The following CADM2 variants were observed in gnomAD, a reference collection of about 807,000 sequenced individuals.
CADM2 encodes immunoglobulin superfamily member 4D.
Under a neutral mutation model 49.8 loss-of-function variants are expected in CADM2, and 12 were observed. That is an observed-to-expected ratio of 0.24 (90% CI 0.15 to 0.39). The LOEUF (loss-of-function observed/expected upper bound fraction) is 0.39. Ranked by LOEUF, CADM2 falls within the 10% of genes least tolerant of loss-of-function variation. The pLI is 1.00. For missense variants in CADM2, 378 were observed against 492.3 expected (o/e 0.77, Z 2.20); for synonymous variants, 214 against 175.4 (o/e 1.22, Z -1.74).
At chr3:85,910,256 G>C (rs75180577) in intron 5 of CADM2, among the ~76,000 whole-genome samples, 1 of 152,134 alleles carries the variant, frequency 6.6e-6, no homozygotes, top group Non-Finnish European at 1.5e-5. Context: ...TATAAAAATT[G>C]TTTGTCAAGA....
rs552352969 is a variant in CADM2 at position 86,035,726 on chromosome 3, C to T, written c.971-29879C>T. On this transcript the variant is annotated intron_variant, in intron 8 of 9. Transcript: ENST00000383699. ...TCCCAAAATATTTTCTGATTTCTTC[C>T]ATTCCCAAATGTCTAAGTCAACCCA... is the stretch of plus-strand genomic sequence containing the variant. Among the ~76,000 whole-genome samples the T allele has an allele frequency of 1.6e-4, 25 of 152,112 alleles. No individual in the cohort carries two copies. The South Asian group carries it at 5.2e-3, about 31-fold the overall frequency.
At chr3:85,721,452 C>T (rs778888964) in intron 1 of CADM2, among the ~76,000 whole-genome samples, 5 of 152,116 alleles carry the variant, frequency 3.3e-5, no homozygotes, top group East Asian at 1.9e-4. Flanking sequence ...GCACTCGGCT[C>T]ACACTACTGG....
intron 2 of CADM2, among the ~76,000 whole-genome samples, chr3:85,789,443 C>T: frequency 6.6e-6 from 1 of 152,222 alleles, no homozygotes; most frequent in South Asian, 2.1e-4. Flanking sequence ...TTTAAAATCA[C>T]AGAAATCATT....
rs181099285 is a variant in CADM2 at position 85,386,901 on chromosome 3, T to A, written c.62-339621T>A. On this transcript the variant is annotated intron_variant, in intron 1 of 9. Coordinates refer to ENST00000383699, the MANE Select transcript of CADM2 (RefSeq NM_001167675.2). Reference sequence around the variant, plus strand: ...AGGCAGGCATTTCTCATATGTGGAATATTCTCATAGGTGGAATAAAAATCA... The same window carrying A: ...AGGCAGGCATTTCTCATATGTGGAAAATTCTCATAGGTGGAATAAAAATCA... Among the ~76,000 whole-genome samples the A allele has an allele frequency of 2.4e-3, 365 of 152,288 alleles. 3 individuals carry two copies. The highest frequency in any genetic ancestry group is 8.4e-3 in the African/African-American group (350 of 41,548).
intron 1 of CADM2, among the ~76,000 whole-genome samples, chr3:85,527,841 A>T (rs950391411): frequency 6.6e-6 from 1 of 152,350 alleles, no homozygotes; most frequent in East Asian, 1.9e-4. Flanking sequence ...ACTCTGAATC[A>T]TTATAACGAG....
intron 8 of CADM2, chr3:86,012,756 G>A (rs1349019675): frequency 1.5e-5 from 10 of 688,774 alleles, no homozygotes; most frequent in Non-Finnish European, 2.5e-5. Flanking sequence ...TTGGGAGGCC[G>A]AGGAGGTCAG....
chr3:85,543,420 A>ATGTGTGTGTGTGTGTG lies in CADM2; in HGVS notation c.62-183080_62-183065dup, dbSNP rs34654299. On this transcript the variant is annotated intron_variant, in intron 1 of 9. Coordinates refer to ENST00000383699, the MANE Select transcript of CADM2 (RefSeq NM_001167675.2). The stretch of plus-strand genomic sequence containing the variant: ...CAGGCACCGCCACCATGCCAAGCTA[A>ATGTGTGTGTGTGTGTG]TGTGTGTGTGTGTGTGTGTGTGTGT... Among the ~76,000 whole-genome samples, 20 of 129,638 alleles carry ATGTGTGTGTGTGTGTG rather than the reference A, an allele frequency of 1.5e-4. 1 individual carries two copies. In the East Asian group the frequency reaches 3.2e-3, roughly 21 times the overall value. The allele number at this position is 129,638 out of a possible 152,430, so 85.0% of individuals were successfully genotyped here. A position where few individuals can be genotyped will look rare whatever the true frequency, so the allele number is the denominator to read the frequency against.
chr3:85,685,335 A>G (rs2066169701), intron 1 of CADM2, among the ~76,000 whole-genome samples: 1 of 152,164 alleles, frequency 6.6e-6, no homozygotes, highest in Non-Finnish European at 1.5e-5. Context: ...TCTAGGATGT[A>G]AAAGCTGTAA....
At chr3:86,033,976 G>A (rs1559814171) in intron 8 of CADM2, among the ~76,000 whole-genome samples, 1 of 151,370 alleles carries the variant, frequency 6.6e-6, no homozygotes, top group Non-Finnish European at 1.5e-5. Flanking sequence ...GGCAACTCTA[G>A]CACCCACTCT....
intron 1 of CADM2, among the ~76,000 whole-genome samples, chr3:85,612,120 T>G (rs911546487): frequency 6.6e-5 from 10 of 151,888 alleles, no homozygotes; most frequent in African/African-American, 2.2e-4. Context: ...TTCAAGAAAC[T>G]AATAACAGTG....
chr3:85,944,554 G>T (rs182119686), intron 7 of CADM2, among the ~76,000 whole-genome samples: 2 of 152,066 alleles, frequency 1.3e-5, no homozygotes, highest in Admixed American at 1.3e-4. Context: ...TAAAATAATA[G>T]AAATTATAAC....
intron 1 of CADM2, among the ~76,000 whole-genome samples, chr3:85,106,494 G>A (rs921818417): frequency 6.6e-6 from 1 of 152,052 alleles, no homozygotes; most frequent in African/African-American, 2.4e-5. Flanking sequence ...TTGGGCACAG[G>A]TTCCTTATTC....
At chr3:85,038,462 C>G (rs965458861) in intron 1 of CADM2, among the ~76,000 whole-genome samples, 2 of 152,162 alleles carry the variant, frequency 1.3e-5, no homozygotes, top group African/African-American at 4.8e-5. Flanking sequence ...GTGGATAGCA[C>G]TGTGTTTAAG....
intron 1 of CADM2, among the ~76,000 whole-genome samples, chr3:85,063,299 A>C: frequency 6.6e-6 from 1 of 152,048 alleles, no homozygotes; most frequent in East Asian, 1.9e-4. Context: ...AAATTATTTT[A>C]GATGCCTTGA....
At chr3:86,064,854 A>C (rs933279256) in intron 8 of CADM2, among the ~76,000 whole-genome samples, 3 of 152,194 alleles carry the variant, frequency 2.0e-5, no homozygotes, top group African/African-American at 7.2e-5. Context: ...GTCTCTTTCC[A>C]ATCACTTTCT....
intron 8 of CADM2, among the ~76,000 whole-genome samples, chr3:85,967,783 C>T (rs1725649240): frequency 2.0e-5 from 3 of 151,440 alleles, no homozygotes; most frequent in African/African-American, 7.3e-5. Context: ...GCAAGGTGAT[C>T]TTTACAGGTC....
intron 1 of CADM2, among the ~76,000 whole-genome samples, chr3:85,587,641 T>TAAGTTCATAAGTTTCATGAAC (rs1246057184): frequency 2.0e-5 from 3 of 152,110 alleles, no homozygotes; most frequent in Non-Finnish European, 2.9e-5. Context: ...GTTTCATGAA[T>TAAGTTCATAAGTTTCATGAAC]AAGTTCATAA....
intron 1 of CADM2, among the ~76,000 whole-genome samples, chr3:85,321,347 A>G (rs1195694203): frequency 6.7e-6 from 1 of 149,846 alleles, no homozygotes; most frequent in Non-Finnish European, 1.5e-5. Context: ...TTATTCATTT[A>G]TTTATTTTTG....
At position 85,144,781 on chromosome 3, in the gene CADM2, T is replaced by C. The variant is rs72907141; in HGVS notation, c.61+185113T>C. Among the ~76,000 whole-genome samples, 976 of 152,254 alleles carry C rather than the reference T, an allele frequency of 6.4e-3. 15 individuals carry two copies. Among genetic ancestry groups the C allele is most frequent in the African/African-American group, 0.022 (908 of 41,548 alleles). ...ATTCAATAATTTGTATTTTAAGTGA[T>C]TTGAAAGATCAATTTCAGACATCAT... On this transcript the variant is annotated intron_variant, in intron 1 of 9. Coordinates refer to ENST00000383699, the MANE Select transcript of CADM2 (RefSeq NM_001167675.2).
Sources: gnomAD v4.1 joint callset for allele counts (sites outside exome capture counted in the v4.1 genomes callset) on GRCh38, gnomAD v4.1.1 for gene constraint, MANE v1.5 for transcripts, NCBI Gene and HGNC (gene_info 2026-07-23, HGNC 2026-07-21) for gene names.